KRT36: variants seen among roughly 807,000 people sequenced by gnomAD.
KRT36 encodes the protein keratin 36.
Under a neutral mutation model 43.0 loss-of-function variants are expected in KRT36, and 41 were observed. That is an observed-to-expected ratio of 0.95 (90% CI 0.74 to 1.24). KRT36 has a LOEUF of 1.24. Ranked by LOEUF, KRT36 falls within the 50% of genes most tolerant of loss-of-function variation. The pLI is 0.00. For synonymous variants in KRT36, 277 were observed against 252.9 expected (o/e 1.10, Z -0.90); for missense variants, 627 against 595.3 (o/e 1.05, Z -0.55).
At chr17:41,489,366 G>C (rs201241070) in intron 1 of KRT36, 40 bp downstream of exon 1, 8 of 1,592,254 alleles carry the variant, frequency 5.0e-6, no homozygotes, top group Non-Finnish European at 6.9e-6. Context: ...CCTCCTAAGA[G>C]TTGGGCTGCT....
Position 41,487,630 on chromosome 17 carries a change from G to C in KRT36, c.807C>G (p.Tyr269Ter), listed in dbSNP as rs377260475. The C allele has an allele frequency of 2.5e-6, 4 of 1,614,158 alleles. No individual in the cohort carries two copies. Among genetic ancestry groups the C allele is most frequent in the Middle Eastern group, 1.6e-4 (1 of 6,062 alleles). Residue 269 changes from tyrosine (Y) to a stop codon, truncating the protein, a stop_gained, in exon 4 of 7, where the codon TAC becomes TAG. Transcript: ENST00000328119. LOFTEE classifies it high-confidence loss of function. ...TGCGGTTATTCTCCACCAGGGCCTCGTACTGGCATCTCATATCCTCCAGGA... is the reference window on the plus strand; with the variant it reads ...TGCGGTTATTCTCCACCAGGGCCTCCTACTGGCATCTCATATCCTCCAGGA... The part of the protein sequence containing the change: ...NKILEDMRCQ[Y>*]EALVENNRRD...
Position 41,487,098 on chromosome 17 carries a change from G to A in KRT36, c.1060C>T (p.Leu354=), listed in dbSNP as rs370323144. 6.2e-7 allele frequency: 1 copy of A among 1,614,110 alleles called. No homozygotes were observed. Among genetic ancestry groups the A allele is most frequent in the Non-Finnish European group, 8.5e-7 (1 of 1,180,040 alleles). The change falls in exon 6 of 7, where the codon CTG becomes TTG. Residue 354 remains leucine, a synonymous_variant. Coordinates refer to ENST00000328119, the MANE Select transcript of KRT36 (RefSeq NM_003771.5). ...AGCTGGGCCTCCACGTTGCTGATCAGGCACTGCATCTGGGCCAGCTGGGAG... is the reference window on the plus strand; with the variant it reads ...AGCTGGGCCTCCACGTTGCTGATCAAGCACTGCATCTGGGCCAGCTGGGAG... ...YSSQLAQMQC[L]ISNVEAQLSE...
intron 3 of KRT36, 145 bp downstream of exon 3, chr17:41,488,098 C>A (rs1386959715): frequency 2.3e-6 from 2 of 861,508 alleles, no homozygotes; most frequent in South Asian, 1.8e-5. Context: ...GTTTATAATT[C>A]TTGGGATTAT....
In KRT36 at chr17:41,487,179, G is replaced by C. The variant is rs749729961; in HGVS notation, c.988-9C>G. 3.7e-6 allele frequency: 6 copies of C among 1,609,580 alleles called. No homozygotes were observed. Among genetic ancestry groups the C allele is most frequent in the South Asian group, 1.1e-5 (1 of 90,716 alleles). ...GATTCCAAGGAATTCCGCTGCAATG[G>C]GAAAGAGGAAGAGCTGCCTATTGGG... On this transcript the variant is annotated splice_polypyrimidine_tract_variant and intron_variant, in intron 5 of 6. Transcript: ENST00000328119.
intron 6 of KRT36, 60 bp downstream of exon 6, chr17:41,486,890 C>T (rs1410406296): frequency 4.1e-6 from 6 of 1,475,320 alleles, no homozygotes; most frequent in South Asian, 1.2e-5. Flanking sequence ...CTGGGCTTGA[C>T]GCCCTCCACA....
rs1394208942 is a variant in KRT36 at position 41,487,783 on chromosome 17, G to A, written c.700-46C>T. 5 of 1,564,736 alleles carry A rather than the reference G, an allele frequency of 3.2e-6. No homozygotes were observed. In the South Asian group the frequency reaches 5.9e-5, roughly 18 times the overall value. On this transcript the variant is annotated intron_variant, in intron 3 of 6. Transcript: ENST00000328119. ...GGCATGAGGTTGTGAAAAAGATGCTGGATTGCAGGTTTCAATGACCTGAAT... is the reference window on the plus strand; with the variant it reads ...GGCATGAGGTTGTGAAAAAGATGCTAGATTGCAGGTTTCAATGACCTGAAT...
At chr17:41,489,122 G>T (rs142599145) in intron 1 of KRT36, among the ~76,000 whole-genome samples, 8 of 152,346 alleles carry the variant, frequency 5.3e-5, no homozygotes, top group African/African-American at 9.6e-5. Flanking sequence ...CCAGGGAATA[G>T]GAAAGTGTCA....
intron 2 of KRT36, 41 bp downstream of exon 2, chr17:41,488,601 G>A: frequency 6.3e-7 from 1 of 1,592,616 alleles, no homozygotes; most frequent in Non-Finnish European, 8.6e-7. Context: ...ACAGAGGCAA[G>A]GGAGTGGCAT....
In KRT36 at chr17:41,488,288, C is replaced by T. The variant is rs1567709512; in HGVS notation, c.654G>A (p.Glu218=). Residue 218 remains glutamate (E), a synonymous_variant, in exon 3 of 7, where the codon GAG becomes GAA. Coordinates refer to ENST00000328119, the MANE Select transcript of KRT36 (RefSeq NM_003771.5). The part of the protein sequence containing the change: ...LCKADLEAQV[E]SLKEELMCLK... ...GGCACATCAGCTCCTCCTTCAGGGA[C>T]TCCACCTGAGCCTCCAGGTCAGCCT... The T allele has an allele frequency of 6.2e-7, 1 of 1,614,212 alleles. No homozygotes were observed. Among genetic ancestry groups the T allele is most frequent in the Admixed American group, 1.7e-5 (1 of 60,034 alleles).
Position 41,487,496 on chromosome 17 carries a change from C to A in KRT36, c.862-20G>T. Reference sequence around the variant, plus strand: ...CTCAGTCTGAAACACATGCCAGGGCCCAGAGCATGGTCAAACCAAGCTACT... The same window carrying A: ...CTCAGTCTGAAACACATGCCAGGGCACAGAGCATGGTCAAACCAAGCTACT... On this transcript the variant is annotated intron_variant, in intron 4 of 6. Transcript: ENST00000328119. The A allele has an allele frequency of 1.1e-5, 18 of 1,613,808 alleles. No individual in the cohort carries two copies. The highest frequency in any genetic ancestry group is 1.5e-5 in the Non-Finnish European group (18 of 1,179,770).
Position 41,486,260 on chromosome 17 carries a change from C to A in KRT36, c.*116G>T. On this transcript the variant is annotated 3_prime_UTR_variant, in exon 7 of 7. Transcript: ENST00000328119. ...ACGGGGAGTGTTTTGGTAGAAAAAC[C>A]TGCTAAGCGTAGGGGGACCCCTCTA... 1.3e-6 allele frequency: 1 copy of A among 750,596 alleles called. No individual in the cohort carries two copies. The allele number at this position is 750,596 out of a possible 1,614,324, so 46.5% of individuals were successfully genotyped here. A position where few individuals can be genotyped will look rare whatever the true frequency, so the allele number is the denominator to read the frequency against.
rs1904522833 is a variant in KRT36 at position 41,489,860 on chromosome 17, G to A, written c.5C>T (p.Ala2Val). The change falls in exon 1 of 7, where the codon GCC (alanine) becomes GTC (valine). Residue 2 changes from alanine to valine, a missense_variant. Physicochemically the swap from Ala to Val is moderately conservative, Grantham distance 64 (BLOSUM62 0). Transcript: ENST00000328119. Reference sequence around the variant, plus strand: ...GAAGGTAGGGGTGCAGGTCTGGGTGGCCATGGTGCTAGCAGAGGAAGGTTG... The same window carrying A: ...GAAGGTAGGGGTGCAGGTCTGGGTGACCATGGTGCTAGCAGAGGAAGGTTG... M[A>V]TQTCTPTFST... 2 of 1,610,954 alleles carry A rather than the reference G, an allele frequency of 1.2e-6. No homozygotes were observed. Among genetic ancestry groups the A allele is most frequent in the Non-Finnish European group, 1.7e-6 (2 of 1,178,310 alleles).
intron 5 of KRT36, 45 bp from the exon 6 acceptor site, chr17:41,487,215 C>T (rs776131040): frequency 1.9e-6 from 3 of 1,590,352 alleles, no homozygotes; most frequent in Admixed American, 1.7e-5. Flanking sequence ...GAGGAATCCC[C>T]TGACCCCAGA....
rs571255452 is a variant in KRT36 at position 41,487,328 on chromosome 17, C to T, written c.987+23G>A. 3.7e-6 allele frequency: 6 copies of T among 1,604,946 alleles called. 1 individual carries two copies. The highest frequency in any genetic ancestry group is 1.7e-5 in the Admixed American group (1 of 59,554). On this transcript the variant is annotated intron_variant, in intron 5 of 6. Transcript: ENST00000328119. ...GGGACCTGCCACAGGCCGTGGCCAG[C>T]GACGCAGGCAGGGGCCACTCACCAT...
Position 41,489,597 on chromosome 17 carries a change from T to A in KRT36, c.268A>T (p.Asn90Tyr), listed in dbSNP as rs1444487708. 2 of 1,613,988 alleles carry A rather than the reference T, an allele frequency of 1.2e-6. No homozygotes were observed. The highest frequency in any genetic ancestry group is 1.7e-6 in the Non-Finnish European group (2 of 1,180,038). Reference sequence around the variant, plus strand: ...TGCATAGTCTCCTTCTCGCTGCCGTTGAAGGAGCCCTCGCAGAACCAGCCC... The same window carrying A: ...TGCATAGTCTCCTTCTCGCTGCCGTAGAAGGAGCCCTCGCAGAACCAGCCC... ...SGGWFCEGSF[N>Y]GSEKETMQFL... The change falls in exon 1 of 7, where the codon AAC becomes TAC. Residue 90 changes from asparagine (N) to tyrosine (Y), a missense_variant. Transcript: ENST00000328119.
In KRT36 at chr17:41,489,563, T is replaced by C. The variant is rs1010188599; in HGVS notation, c.302A>G (p.Asn101Ser). The change falls in exon 1 of 7, where the codon AAC (asparagine) becomes AGC (serine). Residue 101 changes from asparagine (N) to serine (S), a missense_variant. Physicochemically the swap from Asn to Ser is conservative, Grantham distance 46. Coordinates refer to ENST00000328119, the MANE Select transcript of KRT36 (RefSeq NM_003771.5). ...CTCCAGGTAGTTGGCCAGGCGGTCGTTCAGGAACTGCATAGTCTCCTTCTC... is the reference window on the plus strand; with the variant it reads ...CTCCAGGTAGTTGGCCAGGCGGTCGCTCAGGAACTGCATAGTCTCCTTCTC... ...GSEKETMQFLNDRLANYLEKV... is the reference protein window; with the variant it reads ...GSEKETMQFLSDRLANYLEKV... The C allele has an allele frequency of 3.7e-6, 6 of 1,614,136 alleles. No homozygotes were observed. Among genetic ancestry groups the C allele is most frequent in the Non-Finnish European group, 5.1e-6 (6 of 1,180,024 alleles).
rs774104805 is a variant in KRT36, at chr17:41,486,327, GTCC to G, written c.*46_*48del. On this transcript the variant is annotated 3_prime_UTR_variant, in exon 7 of 7. Coordinates refer to ENST00000328119, the MANE Select transcript of KRT36 (RefSeq NM_003771.5). ...TTAAGCCTCCAGGAGCCACAGGGGT[GTCC>G]TCCTTCCTGTGGTCAGGGCCCTGCC... The G allele has an allele frequency of 1.3e-6, 2 of 1,546,806 alleles. No individual in the cohort carries two copies. Among genetic ancestry groups the G allele is most frequent in the African/African-American group, 2.7e-5 (2 of 73,612 alleles).
chr17:41,486,432 TCTC>T lies in KRT36; in HGVS notation c.1345_1347del (p.Glu449del), dbSNP rs1904383466. 6.2e-7 allele frequency: 1 copy of T among 1,614,044 alleles called. No homozygotes were observed. The highest frequency in any genetic ancestry group is 8.5e-7 in the Non-Finnish European group (1 of 1,180,002). Reference sequence around the variant, plus strand: ...GAGGAGATGACTTTCCCATCTCTGATCTCCTCGGTGATGGTGCGGATCTGAGTG... The same window carrying T: ...GAGGAGATGACTTTCCCATCTCTGATCTCGGTGATGGTGCGGATCTGAGTG... On this transcript the variant is annotated inframe_deletion, in exon 7 of 7. Coordinates refer to ENST00000328119, the MANE Select transcript of KRT36 (RefSeq NM_003771.5).
chr17:41,486,694 T>C, intron 6 of KRT36, 123 bp from the exon 7 acceptor site: 2 of 808,252 alleles, frequency 2.5e-6, no homozygotes, highest in Non-Finnish European at 3.8e-6. Context: ...GCCTCTGAAT[T>C]CCCCAAGGGT....
Sources: gnomAD v4.1 joint callset for allele counts (sites outside exome capture counted in the v4.1 genomes callset) on GRCh38, gnomAD v4.1.1 for gene constraint, MANE v1.5 for transcripts, NCBI Gene and HGNC (gene_info 2026-07-23, HGNC 2026-07-21) for gene names.